The following SGCZ variants were observed in gnomAD, a reference collection of about 807,000 sequenced individuals.
The protein encoded by SGCZ is sarcoglycan zeta.
Under a neutral mutation model 41.3 loss-of-function variants are expected in SGCZ, and 40 were observed. The observed-to-expected ratio is 0.97, with a 90% CI of 0.75 to 1.26. The LOEUF (loss-of-function observed/expected upper bound fraction) is 1.26. Ranked by LOEUF, SGCZ falls within the 50% of genes most tolerant of loss-of-function variation. The probability of loss-of-function intolerance (pLI) is 0.00; values close to 1 mark genes in which losing one functional copy is unlikely to be tolerated. For missense variants in SGCZ, 552 were observed against 369.8 expected, an observed-to-expected ratio of 1.49 and a Z score of -4.04; for synonymous variants, 206 against 137.5, an observed-to-expected ratio of 1.50 and a Z score of -3.49.
At chr8:14,919,524 T>A (rs183202260) in intron 1 of SGCZ, among the ~76,000 whole-genome samples, 1 of 152,310 alleles carries the variant, frequency 6.6e-6, no homozygotes, top group African/African-American at 2.4e-5. Flanking sequence ...GAAGAGCACA[T>A]AAGTAGAGTC....
intron 1 of SGCZ, among the ~76,000 whole-genome samples, chr8:15,119,965 A>T (rs1273421656): frequency 1.3e-5 from 2 of 151,092 alleles, no homozygotes; most frequent in Non-Finnish European, 3.0e-5. Context: ...GCATTCCACC[A>T]AGCTCGGTTT....
Position 14,892,502 on chromosome 8 carries a change from G to A in SGCZ, c.40-337576C>T, listed in dbSNP as rs148061694. Among the ~76,000 whole-genome samples, 473 of 152,194 alleles carry A rather than the reference G, an allele frequency of 3.1e-3. 3 individuals are homozygous for A. The highest frequency in any genetic ancestry group is 0.011 in the African/African-American group (454 of 41,540). The stretch of plus-strand genomic sequence containing the variant: ...AAGCAGGAAAAATTTATAGCATCAC[G>A]TCTCTTTGGATAAAGCCAACATTAA... On this transcript the variant is annotated intron_variant, in intron 1 of 7. Coordinates refer to ENST00000382080, the MANE Select transcript of SGCZ (RefSeq NM_139167.4).
chr8:15,002,014 A>G (rs767646750), intron 1 of SGCZ, among the ~76,000 whole-genome samples: 1 of 152,182 alleles, frequency 6.6e-6, no homozygotes, highest in Non-Finnish European at 1.5e-5. Flanking sequence ...AATAGCACAC[A>G]TAAAAGAACA....
At chr8:14,824,306 A>G (rs1302626590) in intron 1 of SGCZ, among the ~76,000 whole-genome samples, 12 of 152,116 alleles carry the variant, frequency 7.9e-5, no homozygotes. Context: ...CTGACTACCG[A>G]TTATTGGATC....
chr8:14,094,039 C>T (rs757197904), intron 7 of SGCZ, among the ~76,000 whole-genome samples: 8 of 152,016 alleles, frequency 5.3e-5, no homozygotes, highest in African/African-American at 7.2e-5. Context: ...ACACATCTCT[C>T]CCCTCTAAGT....
intron 1 of SGCZ, among the ~76,000 whole-genome samples, chr8:14,788,615 G>A (rs533597272): frequency 5.5e-4 from 84 of 152,098 alleles, no homozygotes; most frequent in Admixed American, 7.9e-4. Context: ...AGTTAAAGAG[G>A]CAATACGTGT....
At chr8:14,961,651 T>C (rs1800970543) in intron 1 of SGCZ, among the ~76,000 whole-genome samples, 1 of 152,164 alleles carries the variant, frequency 6.6e-6, no homozygotes, top group African/African-American at 2.4e-5. Context: ...TCCACTAGGA[T>C]CTGCAGTTTC....
At chr8:14,935,126 T>C (rs1028833088) in intron 1 of SGCZ, among the ~76,000 whole-genome samples, 10 of 151,536 alleles carry the variant, frequency 6.6e-5, no homozygotes, top group African/African-American at 2.4e-4. Flanking sequence ...CAAGTATAAA[T>C]TATATTTAAA....
chr8:14,882,363 G>C (rs1052472393), intron 1 of SGCZ, among the ~76,000 whole-genome samples: 1 of 151,970 alleles, frequency 6.6e-6, no homozygotes, highest in South Asian at 2.1e-4. Flanking sequence ...GTATATTTTG[G>C]GCTGTCTCCC....
At chr8:14,216,812 G>A (rs901752399) in intron 4 of SGCZ, among the ~76,000 whole-genome samples, 1 of 152,154 alleles carries the variant, frequency 6.6e-6, no homozygotes, top group Admixed American at 6.5e-5. Context: ...AACAAGAAAA[G>A]CATGTTATCT....
chr8:14,144,732 G>C (rs1803471178), intron 5 of SGCZ, among the ~76,000 whole-genome samples: 1 of 152,156 alleles, frequency 6.6e-6, no homozygotes, highest in Admixed American at 6.5e-5. Context: ...ACCTGCTGTG[G>C]GCCAGAGGGG....
intron 1 of SGCZ, among the ~76,000 whole-genome samples, chr8:14,953,263 C>G (rs1039103147): frequency 6.6e-6 from 1 of 152,178 alleles, no homozygotes; most frequent in East Asian, 1.9e-4. Flanking sequence ...AGTACTTCTT[C>G]CCATGGCAGA....
chr8:14,125,514 AAAAG>A (rs200234202), intron 5 of SGCZ, among the ~76,000 whole-genome samples: 29 of 146,912 alleles, frequency 2.0e-4, no homozygotes, highest in South Asian at 9.5e-4. Context: ...AAAAAAAAAA[AAAAG>A]AAGAAGAATC....
intron 1 of SGCZ, among the ~76,000 whole-genome samples, chr8:15,216,223 C>CTTTTTTTTTTTTTTTTTT (rs34383864): frequency 7.9e-6 from 1 of 125,940 alleles, no homozygotes; most frequent in Non-Finnish European, 1.6e-5. Context: ...CTTTTTTTTT[C>CTTTTTTTTTTTTTTTTTT]TTTTTTTTTT....
chr8:14,579,196 C>A (rs554415125), intron 1 of SGCZ, among the ~76,000 whole-genome samples: 1 of 152,226 alleles, frequency 6.6e-6, no homozygotes, highest in South Asian at 2.1e-4. Flanking sequence ...ATGTCAACAG[C>A]CAATGTTACT....
chr8:14,709,299 G>A (rs1037576331), intron 1 of SGCZ, among the ~76,000 whole-genome samples: 1 of 152,154 alleles, frequency 6.6e-6, no homozygotes, highest in East Asian at 1.9e-4. Context: ...TGTCTTGCGT[G>A]TGTAACTAAT....
At chr8:14,450,419 G>T (rs1455607758) in intron 2 of SGCZ, among the ~76,000 whole-genome samples, 21 of 152,150 alleles carry the variant, frequency 1.4e-4, no homozygotes, top group South Asian at 4.1e-4. Flanking sequence ...CAACATAAAG[G>T]GTCAGGAGGG....
intron 2 of SGCZ, among the ~76,000 whole-genome samples, chr8:14,520,906 G>A (rs17119616): frequency 0.036 from 5,466 of 152,182 alleles, 111 homozygotes; most frequent in East Asian, 0.078. Context: ...AAGCATGTTT[G>A]CATTTGCTAT....
At chr8:14,758,710 T>C (rs1799764766) in intron 1 of SGCZ, among the ~76,000 whole-genome samples, 1 of 152,194 alleles carries the variant, frequency 6.6e-6, no homozygotes, top group Admixed American at 6.5e-5. Flanking sequence ...TTTATTTTCT[T>C]AAAATTCTTT....
Sources: allele counts gnomAD v4.1 joint callset (sites outside exome capture counted in the v4.1 genomes callset), GRCh38; gene constraint gnomAD v4.1.1; transcripts MANE v1.5; gene names NCBI Gene and HGNC (gene_info 2026-07-23, HGNC 2026-07-21).